ZBTB5: variants seen among roughly 807,000 people sequenced by gnomAD.
The protein encoded by ZBTB5 is zinc finger and BTB domain containing 5.
A neutral mutation model predicts 37.9 loss-of-function variants in ZBTB5; 15 were observed. That is an observed-to-expected ratio of 0.40 (90% CI 0.26 to 0.61). The LOEUF is 0.61. Among genes scored for constraint, ZBTB5 ranks in the 20% least tolerant of loss-of-function variants. ZBTB5 has a pLI of 0.47. For missense variants in ZBTB5, 708 were observed against 856.8 expected (o/e 0.83, Z 2.17); for synonymous variants, 315 against 312.4 (o/e 1.01, Z -0.09).
At chr9:37,455,287 C>T (rs985027872) in intron 1 of ZBTB5, among the ~76,000 whole-genome samples, 1 of 152,184 alleles carries the variant, frequency 6.6e-6, no homozygotes, top group Non-Finnish European at 1.5e-5. Context: ...GGCCACAGGA[C>T]AGCCGAACTC....
chr9:37,464,574 T>G (rs968311863), intron 1 of ZBTB5, among the ~76,000 whole-genome samples: 5 of 152,230 alleles, frequency 3.3e-5, no homozygotes, highest in Non-Finnish European at 7.3e-5. Flanking sequence ...TGCCTTTTAT[T>G]ATTTACATAC....
At position 37,442,162 on chromosome 9, in the gene ZBTB5, A is replaced by G. The variant is rs1823896730; in HGVS notation, c.390T>C (p.Ser130=). Residue 130 remains serine, a synonymous_variant, in exon 2 of 2, where the codon AGT becomes AGC. Coordinates refer to ENST00000307750, the MANE Select transcript of ZBTB5 (RefSeq NM_014872.3). ...GGGCGCTCTGCTCCTGAACGCGCTC[A>G]CTGGGGGGAGACATGGGCAGCGTCC... is the stretch of plus-strand genomic sequence containing the variant. ...TTRTLPMSPP[S]ERVQEQSARM... is the part of the protein sequence containing the mutation. 1 of 1,614,224 alleles carries G rather than the reference A, an allele frequency of 6.2e-7. No individual in the cohort carries two copies. Among genetic ancestry groups the G allele is most frequent in the East Asian group, 2.2e-5 (1 of 44,880 alleles).
intron 1 of ZBTB5, among the ~76,000 whole-genome samples, chr9:37,447,456 T>C (rs955590305): frequency 5.3e-5 from 8 of 152,172 alleles, no homozygotes; most frequent in African/African-American, 1.4e-4. Context: ...TAATAAAATA[T>C]ATATTTTTTA....
chr9:37,451,472 C>T (rs752551127), intron 1 of ZBTB5, among the ~76,000 whole-genome samples: 15 of 145,450 alleles, frequency 1.0e-4, no homozygotes, highest in Non-Finnish European at 1.3e-4. Context: ...GCACAACAAT[C>T]GCTTGAACCT....
At chr9:37,460,741 C>T (rs893461684) in intron 1 of ZBTB5, among the ~76,000 whole-genome samples, 1 of 151,980 alleles carries the variant, frequency 6.6e-6, no homozygotes, top group Non-Finnish European at 1.5e-5. Context: ...GTGGTGCATG[C>T]CTGTAGTCCC....
chr9:37,444,264 T>C (rs981868759), intron 1 of ZBTB5, among the ~76,000 whole-genome samples: 4 of 152,088 alleles, frequency 2.6e-5, no homozygotes, highest in African/African-American at 4.8e-5. Context: ...AGTGGCGCAA[T>C]GTCGGCTCAC....
At chr9:37,463,552 T>A (rs1284589837) in intron 1 of ZBTB5, among the ~76,000 whole-genome samples, 1 of 152,216 alleles carries the variant, frequency 6.6e-6, no homozygotes, top group African/African-American at 2.4e-5. Flanking sequence ...ACACAAGATA[T>A]TTTAAAGTCT....
chr9:37,443,465 C>T (rs1237947355), intron 1 of ZBTB5, among the ~76,000 whole-genome samples: 1 of 152,104 alleles, frequency 6.6e-6, no homozygotes, highest in Non-Finnish European at 1.5e-5. Context: ...ACTGACTCAG[C>T]ACACCCCAAA....
chr9:37,447,742 CAAAT>C (rs935999016), intron 1 of ZBTB5, among the ~76,000 whole-genome samples: 5 of 151,408 alleles, frequency 3.3e-5, no homozygotes, highest in Non-Finnish European at 5.9e-5. Context: ...ACTGACTTCA[CAAAT>C]AAATAGTATT....
Position 37,439,856 on chromosome 9 carries a change from A to C in ZBTB5, c.*662T>G, listed in dbSNP as rs1823823492. On this transcript the variant is annotated 3_prime_UTR_variant, in exon 2 of 2. Transcript: ENST00000307750. ...CAATTTGGTTTTTAAACCAGAAAAA[A>C]CTGTTAAAACATCTATCCAACAGTG... 6.5e-6 allele frequency: 1 copy of C among 152,716 alleles called. No individual in the cohort carries two copies. Among genetic ancestry groups the C allele is most frequent in the Non-Finnish European group, 1.5e-5 (1 of 68,128 alleles). The allele number at this position is 152,716 out of a possible 1,614,324, so 9.5% of individuals were successfully genotyped here.
At chr9:37,454,570 C>T (rs1245450315) in intron 1 of ZBTB5, among the ~76,000 whole-genome samples, 1 of 152,214 alleles carries the variant, frequency 6.6e-6, no homozygotes, top group Non-Finnish European at 1.5e-5. Context: ...AAAATACACT[C>T]TCATTACTGT....
intron 1 of ZBTB5, among the ~76,000 whole-genome samples, chr9:37,447,873 G>A (rs1202995352): frequency 1.3e-5 from 2 of 151,748 alleles, no homozygotes; most frequent in Non-Finnish European, 2.9e-5. Flanking sequence ...AAAAATTACG[G>A]GGCTGGGCAT....
intron 1 of ZBTB5, among the ~76,000 whole-genome samples, chr9:37,454,015 T>C (rs1044444855): frequency 6.6e-6 from 1 of 152,344 alleles, no homozygotes; most frequent in East Asian, 1.9e-4. Context: ...ACTTGTTTCA[T>C]GAGCCAGTGA....
chr9:37,449,935 T>C (rs1283791097), intron 1 of ZBTB5, among the ~76,000 whole-genome samples: 1 of 152,068 alleles, frequency 6.6e-6, no homozygotes, highest in Non-Finnish European at 1.5e-5. Flanking sequence ...TTTTCAGCAA[T>C]GTGTACGGTA....
At chr9:37,444,339 T>A (rs1042658370) in intron 1 of ZBTB5, among the ~76,000 whole-genome samples, 4 of 151,924 alleles carry the variant, frequency 2.6e-5, no homozygotes, top group African/African-American at 9.6e-5. Flanking sequence ...GCTGGGATTA[T>A]AGGTGCACGC....
rs187300626 is a variant in ZBTB5, at chr9:37,447,909, T to C, written c.-4-5354A>G. Reference sequence around the variant, plus strand: ...GGTGGCTCATATCTGTAATTCCCAGTACTTTGGAAGGCCAAGATGGGAAGA... The same window carrying C: ...GGTGGCTCATATCTGTAATTCCCAGCACTTTGGAAGGCCAAGATGGGAAGA... On this transcript the variant is annotated intron_variant, in intron 1 of 1. Transcript: ENST00000307750. Among the ~76,000 whole-genome samples the C allele has an allele frequency of 4.0e-5, 6 of 151,884 alleles. No individual in the cohort carries two copies. In the East Asian group the frequency reaches 9.7e-4, roughly 24 times the overall value.
intron 1 of ZBTB5, among the ~76,000 whole-genome samples, chr9:37,458,798 T>C (rs1824236662): frequency 6.6e-6 from 1 of 152,234 alleles, no homozygotes; most frequent in Non-Finnish European, 1.5e-5. Context: ...CATGTAACAA[T>C]AATGCTATAA....
Position 37,440,983 on chromosome 9 carries a change from A to G in ZBTB5, c.1569T>C (p.Gly523=), listed in dbSNP as rs1241958167. 6.2e-7 allele frequency: 1 copy of G among 1,614,078 alleles called. No individual in the cohort carries two copies. The highest frequency in any genetic ancestry group is 8.5e-7 in the Non-Finnish European group (1 of 1,180,050). Residue 523 remains glycine (G), a synonymous_variant, in exon 2 of 2, where the codon GGT becomes GGC. Transcript: ENST00000307750. ...AGTTACTGGCTCCTCCCCTTGGGGAACCTATCATTACCCTGGAGAAGGAGG... is the reference window on the plus strand; with the variant it reads ...AGTTACTGGCTCCTCCCCTTGGGGAGCCTATCATTACCCTGGAGAAGGAGG... ...LHSSFSRVMI[G]SPRGGASNFP...
In ZBTB5 at chr9:37,445,437, G is replaced by A. The variant is rs149445471; in HGVS notation, c.-4-2882C>T. Among the ~76,000 whole-genome samples the A allele has an allele frequency of 2.1e-3, 319 of 152,174 alleles. 3 individuals are homozygous for A. In the East Asian group the frequency reaches 0.026, roughly 13 times the overall value. On this transcript the variant is annotated intron_variant, in intron 1 of 1. Coordinates refer to ENST00000307750, the MANE Select transcript of ZBTB5 (RefSeq NM_014872.3). ...GTAGGTGGGTCCCTTGAGCCCCCAG[G>A]AGTTCAAGACCAGCCTGGGCAACAT...
Sources: allele counts gnomAD v4.1 joint callset (sites outside exome capture counted in the v4.1 genomes callset), GRCh38; gene constraint gnomAD v4.1.1; transcripts MANE v1.5; gene names NCBI Gene and HGNC (gene_info 2026-07-23, HGNC 2026-07-21).